Variants in KIF5C observed in about 807,000 individuals in gnomAD.
KIF5C encodes the protein kinesin family member 5C.
Under a neutral mutation model 125.2 loss-of-function variants are expected in KIF5C, and 18 were observed. That is an observed-to-expected ratio of 0.14 (90% CI 0.10 to 0.21). The LOEUF (loss-of-function observed/expected upper bound fraction) is 0.21, where lower values mean the gene tolerates loss of function less well. Among genes scored for constraint, KIF5C ranks in the 10% least tolerant of loss-of-function variants. The pLI is 1.00. For missense variants in KIF5C, 780 were observed against 1,183.8 expected (o/e 0.66, Z 5.01); for synonymous variants, 405 against 434.0 (o/e 0.93, Z 0.83).
At chr2:148,965,922 T>C (rs1322867119) in intron 11 of KIF5C, among the ~76,000 whole-genome samples, 1 of 152,182 alleles carries the variant, frequency 6.6e-6, no homozygotes, top group East Asian at 1.9e-4. Flanking sequence ...AGCCCTTCCA[T>C]GGTCTCCCCA....
rs899085096 is a variant in KIF5C, at chr2:149,024,305, A to T, written c.*1235A>T. On this transcript the variant is annotated 3_prime_UTR_variant, in exon 26 of 26. Coordinates refer to ENST00000435030, the MANE Select transcript of KIF5C (RefSeq NM_004522.3). The stretch of plus-strand genomic sequence containing the variant: ...TTTCCAAGTAGTAAAGTTTTCAGGG[A>T]AACTGACTGTGCTGCTATTTGTTTT... The T allele has an allele frequency of 6.6e-6, 1 of 152,542 alleles. No individual in the cohort carries two copies. Among genetic ancestry groups the T allele is most frequent in the African/African-American group, 2.4e-5 (1 of 41,422 alleles). The allele number at this position is 152,542 out of a possible 1,614,324, so 9.4% of individuals were successfully genotyped here. A position where few individuals can be genotyped will look rare whatever the true frequency, so the allele number is the denominator to read the frequency against.
chr2:148,974,981 A>T (rs1014889817), intron 12 of KIF5C, among the ~76,000 whole-genome samples: 3 of 152,216 alleles, frequency 2.0e-5, no homozygotes, highest in African/African-American at 7.2e-5. Flanking sequence ...TAGGACAGAG[A>T]GATGAAAATG....
chr2:148,974,925 G>T (rs1681021835), intron 12 of KIF5C, among the ~76,000 whole-genome samples: 1 of 152,208 alleles, frequency 6.6e-6, no homozygotes, highest in South Asian at 2.1e-4. Context: ...ATTGATCCAA[G>T]AGAGAGACTT....
At chr2:148,880,404 A>T (rs970485515) in intron 1 of KIF5C, among the ~76,000 whole-genome samples, 14 of 152,266 alleles carry the variant, frequency 9.2e-5, no homozygotes, top group African/African-American at 3.4e-4. Flanking sequence ...TATAGGCATG[A>T]GCCACCATGC....
At chr2:148,944,712 G>A (rs76526842) in intron 7 of KIF5C, among the ~76,000 whole-genome samples, 20,291 of 152,062 alleles carry the variant, frequency 0.13, 2,046 homozygotes, top group African/African-American at 0.27. Flanking sequence ...TTGAGGAACC[G>A]CTACTATTTG....
chr2:148,931,173 AAC>A (rs1682176912), intron 3 of KIF5C, among the ~76,000 whole-genome samples: 1 of 152,228 alleles, frequency 6.6e-6, no homozygotes, highest in South Asian at 2.1e-4. Flanking sequence ...CAACAACAAA[AAC>A]AAAAGCAACC....
In KIF5C at chr2:149,011,604, A is replaced by G. The variant is rs750150578; in HGVS notation, c.2802A>G (p.Ser934=). Residue 934 remains serine, a synonymous_variant, in exon 25 of 26, where the codon TCA becomes TCG. Coordinates refer to ENST00000435030, the MANE Select transcript of KIF5C (RefSeq NM_004522.3). ...KPIRPGHYPA[S]SPTAVHAIRG... Reference sequence around the variant, plus strand: ...TCCGCCCCGGACACTACCCGGCCTCATCTCCAACGGCCGTCCATGCCATTC... The same window carrying G: ...TCCGCCCCGGACACTACCCGGCCTCGTCTCCAACGGCCGTCCATGCCATTC... 1.2e-5 allele frequency: 19 copies of G among 1,613,924 alleles called. No individual in the cohort carries two copies. The South Asian group carries it at 2.0e-4, about 17-fold the overall frequency.
At chr2:148,929,381 A>G in intron 3 of KIF5C, 27 bp downstream of exon 3, 1 of 1,411,940 alleles carries the variant, frequency 7.1e-7, no homozygotes, top group Non-Finnish European at 9.7e-7. Context: ...CTCTAATGCG[A>G]ATCTCTGAGA....
At chr2:148,880,370 C>G (rs1681311790) in intron 1 of KIF5C, among the ~76,000 whole-genome samples, 1 of 152,242 alleles carries the variant, frequency 6.6e-6, no homozygotes, top group Admixed American at 6.5e-5. Flanking sequence ...ATCCACCTGC[C>G]TTGGCCTCCC....
intron 12 of KIF5C, among the ~76,000 whole-genome samples, chr2:148,978,014 C>G (rs1242661731): frequency 6.6e-6 from 1 of 152,178 alleles, no homozygotes; most frequent in Non-Finnish European, 1.5e-5. Context: ...TTGAATCTGA[C>G]TCTGTTTGGT....
At position 148,904,436 on chromosome 2, in the gene KIF5C, G is replaced by A. The variant is rs1681023296; in HGVS notation, c.127-17701G>A. Among the ~76,000 whole-genome samples, 3 of 152,204 alleles carry A rather than the reference G, an allele frequency of 2.0e-5. No individual in the cohort carries two copies. In the South Asian group the frequency reaches 6.2e-4, roughly 31 times the overall value. On this transcript the variant is annotated intron_variant, in intron 1 of 25. Transcript: ENST00000435030. ...ACGAGTGTATTGTGAAGATTGAACA[G>A]CACATATATGAGGAGTGTCGTGCTG...
intron 15 of KIF5C, among the ~76,000 whole-genome samples, chr2:148,989,114 A>C (rs569886525): frequency 6.6e-6 from 1 of 151,934 alleles, no homozygotes; most frequent in African/African-American, 2.4e-5. Context: ...CCCTCACCCC[A>C]CTTCCCACCC....
In KIF5C at chr2:149,010,317, G is replaced by T. The variant is rs1250816589; in HGVS notation, c.2733G>T (p.Lys911Asn). ...VDRIKEAVRAKNMARRAHSAQ... is the reference protein window; with the variant it reads ...VDRIKEAVRANNMARRAHSAQ... Reference sequence around the variant, plus strand: ...GTATCAAGGAGGCCGTGCGGGCCAAGAACATGGCCAGAAGGGCCCATTCAG... The same window carrying T: ...GTATCAAGGAGGCCGTGCGGGCCAATAACATGGCCAGAAGGGCCCATTCAG... Residue 911 changes from lysine (K) to asparagine (N), a missense_variant, in exon 24 of 26, where the codon AAG becomes AAT. Physicochemically the swap from Lys to Asn is moderately conservative, Grantham distance 94. This residue lies in a region of KIF5C where 573 missense variants were observed against 742.6 expected (regional missense o/e 0.77). Transcript: ENST00000435030. The T allele has an allele frequency of 1.3e-6, 2 of 1,592,482 alleles. No homozygotes were observed. The highest frequency in any genetic ancestry group is 2.3e-5 in the South Asian group (2 of 87,118).
rs1682943153 is a variant in KIF5C, at chr2:148,962,174, T to A, written c.1117+55T>A. 4 of 1,499,424 alleles carry A rather than the reference T, an allele frequency of 2.7e-6. No individual in the cohort carries two copies. In the Admixed American group the frequency reaches 9.6e-5, roughly 36 times the overall value. 92.9% of individuals were successfully genotyped at this position (1,499,424 alleles called of 1,614,324 possible). A position where few individuals can be genotyped will look rare whatever the true frequency, so the allele number is the denominator to read the frequency against. On this transcript the variant is annotated intron_variant, in intron 11 of 25. Coordinates refer to ENST00000435030, the MANE Select transcript of KIF5C (RefSeq NM_004522.3). The stretch of plus-strand genomic sequence containing the variant: ...CATGAGTGTGTGCTTTTTTTATTTT[T>A]ATTTTTTTTGAGACAGAGTCTCTCT...
At chr2:148,904,237 G>T (rs1444762390) in intron 1 of KIF5C, among the ~76,000 whole-genome samples, 1 of 152,210 alleles carries the variant, frequency 6.6e-6, no homozygotes, top group Non-Finnish European at 1.5e-5. Flanking sequence ...TTTGAGGTTT[G>T]TGAAGTTTAA....
intron 1 of KIF5C, among the ~76,000 whole-genome samples, chr2:148,899,785 A>G (rs1216153622): frequency 6.6e-6 from 1 of 151,972 alleles, no homozygotes; most frequent in Non-Finnish European, 1.5e-5. Flanking sequence ...AAATGGTTGC[A>G]ATAGATTTCC....
At chr2:148,932,806 A>C (rs1466659413) in intron 3 of KIF5C, among the ~76,000 whole-genome samples, 1 of 152,148 alleles carries the variant, frequency 6.6e-6, no homozygotes, top group East Asian at 1.9e-4. Flanking sequence ...CACGGTGCTC[A>C]TGTGCTGACG....
At chr2:148,920,304 CCAGA>C (rs989214570) in intron 1 of KIF5C, among the ~76,000 whole-genome samples, 19 of 152,080 alleles carry the variant, frequency 1.2e-4, no homozygotes, top group South Asian at 2.1e-4. Flanking sequence ...TAACAAATAC[CCAGA>C]CAAACTCTGC....
In KIF5C at chr2:149,025,501, A is replaced by C. The variant is rs1173416403; in HGVS notation, c.*2431A>C. On this transcript the variant is annotated 3_prime_UTR_variant, in exon 26 of 26. Coordinates refer to ENST00000435030, the MANE Select transcript of KIF5C (RefSeq NM_004522.3). ...ACATATGTGCAATTTTCAGGTTTTT[A>C]GACTATTGCTCCCTGTACTTTAAAT... 1 of 152,520 alleles carries C rather than the reference A, an allele frequency of 6.6e-6. No individual in the cohort carries two copies. The highest frequency in any genetic ancestry group is 1.5e-5 in the Non-Finnish European group (1 of 68,030). 9.4% of individuals were successfully genotyped at this position (152,520 alleles called of 1,614,324 possible). A position where few individuals can be genotyped will look rare whatever the true frequency, so the allele number is the denominator to read the frequency against.
Sources: gnomAD v4.1 joint callset for allele counts (sites outside exome capture counted in the v4.1 genomes callset) on GRCh38, gnomAD v4.1.1 for gene constraint, gnomAD v4.1.1 regional missense constraint, MANE v1.5 for transcripts, NCBI Gene and HGNC (gene_info 2026-07-23, HGNC 2026-07-21) for gene names.